The following FAM110B variants were observed in gnomAD, a reference collection of about 807,000 sequenced individuals.
The protein encoded by FAM110B is protein FAM110B.
In FAM110B, 6 loss-of-function variants were observed where a neutral mutation model predicts 20.4. The observed-to-expected ratio is 0.29, with a 90% CI of 0.16 to 0.58. The LOEUF (loss-of-function observed/expected upper bound fraction) is 0.58. Among genes scored for constraint, FAM110B ranks in the 20% least tolerant of loss-of-function variants. The pLI is 0.90. For missense variants in FAM110B, 434 were observed against 498.2 expected (o/e 0.87, Z 1.23); for synonymous variants, 226 against 214.1 (o/e 1.06, Z -0.49).
intron 3 of FAM110B, among the ~76,000 whole-genome samples, chr8:58,139,690 G>A (rs760575781): frequency 7.2e-5 from 11 of 152,174 alleles, no homozygotes; most frequent in Admixed American, 1.3e-4. Context: ...TACTTGGGGA[G>A]GCCGAGGTGG....
intron 3 of FAM110B, among the ~76,000 whole-genome samples, chr8:58,134,332 C>T (rs1264106404): frequency 6.6e-6 from 1 of 152,106 alleles, no homozygotes; most frequent in Non-Finnish European, 1.5e-5. Flanking sequence ...CTTATTTGTG[C>T]TCTAAGCAGA....
intron 3 of FAM110B, among the ~76,000 whole-genome samples, chr8:58,085,229 G>C (rs998558709): frequency 6.6e-6 from 1 of 152,148 alleles, no homozygotes; most frequent in Admixed American, 6.6e-5. Flanking sequence ...TGATGCACAT[G>C]TAGGCAGGCA....
chr8:58,027,240 T>C (rs17239590), intron 1 of FAM110B, among the ~76,000 whole-genome samples: 9,158 of 152,252 alleles, frequency 0.06, 354 homozygotes, highest in African/African-American at 0.072. Context: ...AATGGAATAA[T>C]TTAGTTTCCT....
intron 2 of FAM110B, among the ~76,000 whole-genome samples, chr8:58,048,777 CT>C (rs1805380311): frequency 6.6e-6 from 1 of 152,170 alleles, no homozygotes; most frequent in African/African-American, 2.4e-5. Flanking sequence ...GCATTCCTGA[CT>C]TTGTTGAGCA....
At chr8:58,130,137 T>C (rs1402263855) in intron 3 of FAM110B, among the ~76,000 whole-genome samples, 1 of 152,204 alleles carries the variant, frequency 6.6e-6, no homozygotes, top group Non-Finnish European at 1.5e-5. Context: ...TACCTCTGCA[T>C]GAAGCATTCC....
intron 2 of FAM110B, among the ~76,000 whole-genome samples, chr8:58,058,803 T>C (rs187149122): frequency 6.6e-6 from 1 of 152,324 alleles, no homozygotes; most frequent in East Asian, 1.9e-4. Context: ...ATATTTGTAA[T>C]GTTTTGTACA....
chr8:58,049,190 T>TTTCTGGG (rs1383707187), intron 2 of FAM110B, among the ~76,000 whole-genome samples: 1 of 152,114 alleles, frequency 6.6e-6, no homozygotes, highest in African/African-American at 2.4e-5. Flanking sequence ...TTCTGGGGAG[T>TTTCTGGG]AAGCTTGGTT....
At chr8:58,085,406 G>A (rs913011189) in intron 3 of FAM110B, among the ~76,000 whole-genome samples, 1 of 152,138 alleles carries the variant, frequency 6.6e-6, no homozygotes, top group Non-Finnish European at 1.5e-5. Context: ...CCAGCCACTC[G>A]GGAGGCTGAG....
intron 2 of FAM110B, among the ~76,000 whole-genome samples, chr8:58,046,718 A>G (rs1805326128): frequency 6.6e-6 from 1 of 152,198 alleles, no homozygotes; most frequent in Non-Finnish European, 1.5e-5. Flanking sequence ...TTCAACTCCT[A>G]TCATCTGCTC....
chr8:58,123,272 A>G (rs959518730), intron 3 of FAM110B, among the ~76,000 whole-genome samples: 4 of 152,154 alleles, frequency 2.6e-5, no homozygotes, highest in African/African-American at 9.6e-5. Flanking sequence ...TGTCTTTTCA[A>G]CTTTGTTTCT....
In FAM110B at chr8:58,146,602, C is replaced by T; in HGVS notation, c.372C>T (p.Ile124=). The change falls in exon 4 of 4, where the codon ATC becomes ATT. Residue 124 remains isoleucine, a synonymous_variant. Transcript: ENST00000519262. ...TGAAGCTGGAGATCCTGAAGAACAT[C>T]ATCAATAGCTCCGAGGGCTCTAGCT... The part of the protein sequence containing the change: ...ENLKLEILKN[I]INSSEGSSSG... 6.2e-7 allele frequency: 1 copy of T among 1,614,050 alleles called. No individual in the cohort carries two copies. Among genetic ancestry groups the T allele is most frequent in the Non-Finnish European group, 8.5e-7 (1 of 1,179,944 alleles).
At chr8:57,997,754 A>G (rs1250671058) in intron 1 of FAM110B, among the ~76,000 whole-genome samples, 1 of 152,238 alleles carries the variant, frequency 6.6e-6, no homozygotes, top group African/African-American at 2.4e-5. Flanking sequence ...CTAGAAATCT[A>G]GTACACTCAG....
At chr8:58,036,610 G>C (rs566191855) in intron 2 of FAM110B, among the ~76,000 whole-genome samples, 1 of 152,310 alleles carries the variant, frequency 6.6e-6, no homozygotes, top group East Asian at 1.9e-4. Flanking sequence ...GAAAACCAAA[G>C]AGTAGTTAAG....
intron 3 of FAM110B, among the ~76,000 whole-genome samples, chr8:58,119,832 C>T (rs1461166841): frequency 6.6e-6 from 1 of 152,176 alleles, no homozygotes; most frequent in African/African-American, 2.4e-5. Flanking sequence ...TAAGCGCTCT[C>T]TTCAGATTAT....
intron 3 of FAM110B, among the ~76,000 whole-genome samples, chr8:58,096,413 T>C (rs188148171): frequency 1.6e-3 from 246 of 152,300 alleles, no homozygotes; most frequent in African/African-American, 5.6e-3. Context: ...CCTGACCTCG[T>C]GATCCACCTG....
intron 3 of FAM110B, among the ~76,000 whole-genome samples, chr8:58,144,636 G>T (rs1803816130): frequency 6.6e-6 from 1 of 152,234 alleles, no homozygotes; most frequent in South Asian, 2.1e-4. Flanking sequence ...AGATGTGGTT[G>T]TAATATGACT....
intron 3 of FAM110B, among the ~76,000 whole-genome samples, chr8:58,142,363 G>C (rs942936627): frequency 6.6e-6 from 1 of 152,190 alleles, no homozygotes; most frequent in African/African-American, 2.4e-5. Flanking sequence ...AAATCAGACT[G>C]TGCTTTAAGG....
At chr8:58,083,650 A>T (rs1283172508) in intron 3 of FAM110B, among the ~76,000 whole-genome samples, 1 of 152,190 alleles carries the variant, frequency 6.6e-6, no homozygotes, top group East Asian at 1.9e-4. Flanking sequence ...AGGGCCAATG[A>T]AGAATACAGA....
At chr8:58,076,918 T>C (rs1291987792) in intron 3 of FAM110B, among the ~76,000 whole-genome samples, 1 of 152,232 alleles carries the variant, frequency 6.6e-6, no homozygotes, top group Non-Finnish European at 1.5e-5. Flanking sequence ...TTATTATTAC[T>C]GCATTATGCA....
Sources: allele counts gnomAD v4.1 joint callset (sites outside exome capture counted in the v4.1 genomes callset), GRCh38; gene constraint gnomAD v4.1.1; transcripts MANE v1.5; gene names NCBI Gene and HGNC (gene_info 2026-07-23, HGNC 2026-07-21).